Variants in VWA7 observed in about 807,000 individuals in gnomAD.
The protein encoded by VWA7 is von Willebrand factor A domain-containing protein 7.
Under a neutral mutation model 83.1 loss-of-function variants are expected in VWA7, and 66 were observed. The observed-to-expected ratio is 0.79, with a 90% CI of 0.65 to 0.98. VWA7 has a LOEUF of 0.98. Ranked by LOEUF, VWA7 falls within the 50% of genes least tolerant of loss-of-function variation. The probability of loss-of-function intolerance (pLI) is 0.00; values close to 1 mark genes in which losing one functional copy is unlikely to be tolerated. For synonymous variants in VWA7, 424 were observed against 488.5 expected (o/e 0.87, Z 1.74); for missense variants, 1,080 against 1,160.2 (o/e 0.93, Z 1.00).
chr6:31,765,658 G>T lies in VWA7; in HGVS notation c.2612C>A (p.Ala871Glu). The change falls in exon 17 of 17, where the codon GCG becomes GAG. Residue 871 changes from alanine to glutamate, a missense_variant. Physicochemically the swap from Ala to Glu is moderately radical, Grantham distance 107 (BLOSUM62 -1). Transcript: ENST00000375688. The part of the protein sequence containing the change: ...TQGRAGAGLA[A>E]GSPWWGTVGG... ...AACTGTGCCCCACCAGGGGCTGCCC[G>T]CAGCCAGCCCTGCCCCAGCCCTGCC... The T allele has an allele frequency of 6.2e-7, 1 of 1,606,958 alleles. No individual in the cohort carries two copies. Among genetic ancestry groups the T allele is most frequent in the Non-Finnish European group, 8.5e-7 (1 of 1,177,394 alleles).
Position 31,765,971 on chromosome 6 carries a change from A to AC in VWA7, c.2410dup (p.Val804GlyfsTer41). 6.2e-7 allele frequency: 1 copy of AC among 1,613,044 alleles called. No individual in the cohort carries two copies. The highest frequency in any genetic ancestry group is 8.5e-7 in the Non-Finnish European group (1 of 1,180,018). On this transcript the variant is annotated frameshift_variant, in exon 16 of 17. Transcript: ENST00000375688. LOFTEE classifies it high-confidence loss of function. Reference sequence around the variant, plus strand: ...TTCTCGTCCCCCTGCAGTCACAGTCACCATCACCACGGAATCCGGGGCCGC... The same window carrying AC: ...TTCTCGTCCCCCTGCAGTCACAGTCACCCATCACCACGGAATCCGGGGCCGC...
At position 31,776,630 on chromosome 6, in the gene VWA7, C is replaced by A; in HGVS notation, c.150G>T (p.Glu50Asp). The stretch of plus-strand genomic sequence containing the variant: ...GCAGGGTGACGTTGAGCGCTGCCTC[C>A]TCAGTTAGGTCTTGGTGGGTGATGG... ...PGSITHQDLT[E>D]EAALNVTLQL... Residue 50 changes from glutamate to aspartate, a missense_variant, in exon 2 of 17, where the codon GAG (glutamate) becomes GAT (aspartate). Coordinates refer to ENST00000375688, the MANE Select transcript of VWA7 (RefSeq NM_025258.3). This position sits in a 1 kb window ranked among gnomAD's most constrained non-coding sequence, Gnocchi z 6.2. The A allele has an allele frequency of 6.5e-7, 1 of 1,548,938 alleles. No homozygotes were observed. The highest frequency in any genetic ancestry group is 1.4e-5 in the African/African-American group (1 of 73,110).
rs375942272 is a variant in VWA7 at position 31,765,766 on chromosome 6, C to T, written c.2504G>A (p.Arg835Gln). 1.7e-4 allele frequency: 262 copies of T among 1,585,368 alleles called. 5 individuals are homozygous for T. Among genetic ancestry groups the T allele is most frequent in the South Asian group, 1.6e-3 (135 of 87,068 alleles). Residue 835 changes from arginine to glutamine, a missense_variant, in exon 17 of 17, where the codon CGG becomes CAG. By Grantham distance (43) the Arg-to-Gln change is conservative. Transcript: ENST00000375688. Reference sequence around the variant, plus strand: ...AGATGAGCCGGTAGGGGTGGTGTGCCGGTCCTGTGGGGAAAAGGAAGAGAA... The same window carrying T: ...AGATGAGCCGGTAGGGGTGGTGTGCTGGTCCTGTGGGGAAAAGGAAGAGAA... ...LLVSAPAPQD[R>Q]HTTPTGSSDP...
At position 31,766,011 on chromosome 6, in the gene VWA7, C is replaced by T. The variant is rs749663529; in HGVS notation, c.2371G>A (p.Glu791Lys). 3.7e-6 allele frequency: 6 copies of T among 1,612,796 alleles called. No homozygotes were observed. In the African/African-American group the frequency reaches 8.0e-5, roughly 22 times the overall value. The change falls in exon 16 of 17, where the codon GAG becomes AAG. Residue 791 changes from glutamate to lysine, a missense_variant. By Grantham distance (56) the Glu-to-Lys change is moderately conservative (BLOSUM62 1). Coordinates refer to ENST00000375688, the MANE Select transcript of VWA7 (RefSeq NM_025258.3). The surrounding 1 kb of genome is among the most constrained non-coding windows in gnomAD (Gnocchi z 4.9). The stretch of plus-strand genomic sequence containing the variant: ...TCCGGGGCCGCTGAATCTGGGACCT[C>T]CAGCCACAGGCGGCCCCAGGCCGAC... The part of the protein sequence containing the change: ...NESAWGRLWL[E>K]VPDSAAPDSV...
chr6:31,774,474 G>T, intron 5 of VWA7, 42 bp downstream of exon 5: 1 of 1,564,562 alleles, frequency 6.4e-7, no homozygotes, highest in South Asian at 1.1e-5. Flanking sequence ...GTAAGGGAAT[G>T]ACTTTCTCCC....
At position 31,776,698 on chromosome 6, in the gene VWA7, C is replaced by G; in HGVS notation, c.82G>C (p.Ala28Pro). The change falls in exon 2 of 17, where the codon GCC becomes CCC. Residue 28 changes from alanine (A) to proline (P), a missense_variant. Coordinates refer to ENST00000375688, the MANE Select transcript of VWA7 (RefSeq NM_025258.3). This position sits in a 1 kb window ranked among gnomAD's most constrained non-coding sequence, Gnocchi z 6.2. The part of the protein sequence containing the change: ...LLQLLLPPTS[A>P]FFPNIWSLLA... ...AGGCTCCAGATGTTGGGGAAGAAGG[C>G]AGATGTGGGGGGCAGCAACAGCTGC... The G allele has an allele frequency of 6.6e-7, 1 of 1,514,866 alleles. No individual in the cohort carries two copies. 93.8% of individuals were successfully genotyped at this position (1,514,866 alleles called of 1,614,324 possible). A position where few individuals can be genotyped will look rare whatever the true frequency, so the allele number is the denominator to read the frequency against.
At position 31,766,792 on chromosome 6, in the gene VWA7, A is replaced by G. The variant is rs1428725367; in HGVS notation, c.1883-28T>C. ...GGGACAGGGGCGAGGAGGGGAGAAC[A>G]TTGTGAGATTCGGAGACACAGGGAG... On this transcript the variant is annotated intron_variant, in intron 13 of 16. Coordinates refer to ENST00000375688, the MANE Select transcript of VWA7 (RefSeq NM_025258.3). The surrounding 1 kb of genome is among the most constrained non-coding windows in gnomAD (Gnocchi z 4.9). The G allele has an allele frequency of 6.4e-6, 10 of 1,573,782 alleles. No individual in the cohort carries two copies. Among genetic ancestry groups the G allele is most frequent in the Non-Finnish European group, 8.7e-6 (10 of 1,155,392 alleles).
chr6:31,772,584 CTTTTTTTT>C (rs9279415), intron 7 of VWA7, among the ~76,000 whole-genome samples: 11 of 35,074 alleles, frequency 3.1e-4, no homozygotes, highest in African/African-American at 8.1e-4. Flanking sequence ...TCTTTCTTTT[CTTTTTTTT>C]TTTTTTTTTT....
chr6:31,775,857 T>G lies in VWA7; in HGVS notation c.513+107A>C. On this transcript the variant is annotated intron_variant, in intron 3 of 16. Coordinates refer to ENST00000375688, the MANE Select transcript of VWA7 (RefSeq NM_025258.3). This position sits in a 1 kb window ranked among gnomAD's most constrained non-coding sequence, Gnocchi z 5.9. ...GCACCGCGTGCCAGTGCCCACCCCT[T>G]CCAGAGTGGAGGAGACATGATCAAG... 6.7e-7 allele frequency: 1 copy of G among 1,491,808 alleles called. No homozygotes were observed. The highest frequency in any genetic ancestry group is 8.9e-7 in the Non-Finnish European group (1 of 1,122,320). 92.4% of individuals were successfully genotyped at this position (1,491,808 alleles called of 1,614,324 possible).
In VWA7 at chr6:31,766,539, A is replaced by G. The variant is rs745410621; in HGVS notation, c.2108T>C (p.Ile703Thr). The G allele has an allele frequency of 6.2e-7, 1 of 1,612,476 alleles. No homozygotes were observed. The highest frequency in any genetic ancestry group is 8.5e-7 in the Non-Finnish European group (1 of 1,179,674). ...STPRPFSLEL[I>T]GQDAAGRRLH... ...GCGCCGCCCCGCTGCGTCCTGGCCA[A>G]TCAGCTCCAGGGAGAAGGGTCTAGG... The change falls in exon 14 of 17, where the codon ATT becomes ACT. Residue 703 changes from isoleucine to threonine, a missense_variant. Coordinates refer to ENST00000375688, the MANE Select transcript of VWA7 (RefSeq NM_025258.3). The surrounding 1 kb of genome is among the most constrained non-coding windows in gnomAD (Gnocchi z 4.9).
Position 31,773,536 on chromosome 6 carries a change from C to T in VWA7, c.722-99G>A. ...GGCCTGGCCTGACCCTCTCACCCCT[C>T]AGCAAGGGTTCAGCAAGAAATGATG... is the stretch of plus-strand genomic sequence containing the variant. On this transcript the variant is annotated intron_variant, in intron 5 of 16. Transcript: ENST00000375688. The surrounding 1 kb of genome is among the most constrained non-coding windows in gnomAD (Gnocchi z 5.3). 8.3e-7 allele frequency: 1 copy of T among 1,211,314 alleles called. No homozygotes were observed. The highest frequency in any genetic ancestry group is 1.5e-5 in the African/African-American group (1 of 65,036). The allele number at this position is 1,211,314 out of a possible 1,614,324, so 75.0% of individuals were successfully genotyped here. A position where few individuals can be genotyped will look rare whatever the true frequency, so the allele number is the denominator to read the frequency against.
chr6:31,769,914 G>C lies in VWA7; in HGVS notation c.1200+87C>G. On this transcript the variant is annotated intron_variant, in intron 8 of 16. Transcript: ENST00000375688. The surrounding 1 kb of genome is among the most constrained non-coding windows in gnomAD (Gnocchi z 4.5). The stretch of plus-strand genomic sequence containing the variant: ...CCTACAGTGAAGCTAGTGGATCTAG[G>C]TGCTGAAGGTGGTGGGGAGCCCCAG... The C allele has an allele frequency of 1.3e-6, 2 of 1,487,786 alleles. No individual in the cohort carries two copies. The highest frequency in any genetic ancestry group is 1.9e-6 in the Non-Finnish European group (2 of 1,069,398). 92.2% of individuals were successfully genotyped at this position (1,487,786 alleles called of 1,614,324 possible). A position where few individuals can be genotyped will look rare whatever the true frequency, so the allele number is the denominator to read the frequency against.
chr6:31,775,892 T>G lies in VWA7; in HGVS notation c.513+72A>C. The G allele has an allele frequency of 6.5e-7, 1 of 1,532,346 alleles. No homozygotes were observed. Among genetic ancestry groups the G allele is most frequent in the Non-Finnish European group, 8.8e-7 (1 of 1,141,274 alleles). The allele number at this position is 1,532,346 out of a possible 1,614,324, so 94.9% of individuals were successfully genotyped here. ...AGGAGACATGATCAAGAAGGCACCA[T>G]AGGACGCGCTCCATCCCGGACAGGC... On this transcript the variant is annotated intron_variant, in intron 3 of 16. Coordinates refer to ENST00000375688, the MANE Select transcript of VWA7 (RefSeq NM_025258.3). The surrounding 1 kb of genome is among the most constrained non-coding windows in gnomAD (Gnocchi z 5.9).
intron 5 of VWA7, among the ~76,000 whole-genome samples, chr6:31,774,246 C>T (rs1812478740): frequency 6.6e-6 from 1 of 151,600 alleles, no homozygotes; most frequent in Admixed American, 6.6e-5. Flanking sequence ...TCAGTCACCA[C>T]AGCACATGGT....
At position 31,769,787 on chromosome 6, in the gene VWA7, G is replaced by A; in HGVS notation, c.1205C>T (p.Ala402Val). The A allele has an allele frequency of 1.2e-6, 2 of 1,613,018 alleles. No individual in the cohort carries two copies. The highest frequency in any genetic ancestry group is 2.2e-5 in the South Asian group (2 of 91,092). The change falls in exon 9 of 17, where the codon GCC becomes GTC. Residue 402 changes from alanine to valine, a missense_variant. Ala to Val is a moderately conservative substitution (Grantham distance 64). Transcript: ENST00000375688. This position sits in a 1 kb window ranked among gnomAD's most constrained non-coding sequence, Gnocchi z 4.5. ...TGAGAGTGGAGGTGTGTGCAGCAGG[G>A]CCAGCTGGCAGGGAAGGCAACGACC... Reference protein sequence around the residue: ...PEMCLSALQLALLHTPPLSDI... With the variant: ...PEMCLSALQLVLLHTPPLSDI...
At position 31,766,753 on chromosome 6, in the gene VWA7, G is replaced by A; in HGVS notation, c.1894C>T (p.Gln632Ter). Residue 632 changes from glutamine (Q) to a stop codon, truncating the protein, a stop_gained, in exon 14 of 17, where the codon CAG (glutamine) becomes TAG (stop). Coordinates refer to ENST00000375688, the MANE Select transcript of VWA7 (RefSeq NM_025258.3). LOFTEE classifies it high-confidence loss of function. This position sits in a 1 kb window ranked among gnomAD's most constrained non-coding sequence, Gnocchi z 4.9. ...LTQPVAGLQT[Q>*]LLVEVTGLGS... Reference sequence around the variant, plus strand: ...AACCCTGTCACTTCTACCAGCAGCTGGGTCTGAAGACCTGGGACAGGGGCG... The same window carrying A: ...AACCCTGTCACTTCTACCAGCAGCTAGGTCTGAAGACCTGGGACAGGGGCG... The A allele has an allele frequency of 6.2e-7, 1 of 1,601,882 alleles. No homozygotes were observed. The highest frequency in any genetic ancestry group is 1.1e-5 in the South Asian group (1 of 90,630).
At position 31,776,443 on chromosome 6, in the gene VWA7, G is replaced by A. The variant is rs746867880; in HGVS notation, c.234+103C>T. The stretch of plus-strand genomic sequence containing the variant: ...TGGGTATTATTGCTGCAGGGGTGGG[G>A]CCATGGGTGTCTCTTCTCTTGGCAA... On this transcript the variant is annotated intron_variant, in intron 2 of 16. Coordinates refer to ENST00000375688, the MANE Select transcript of VWA7 (RefSeq NM_025258.3). This position sits in a 1 kb window ranked among gnomAD's most constrained non-coding sequence, Gnocchi z 6.2. 3 of 1,246,312 alleles carry A rather than the reference G, an allele frequency of 2.4e-6. No individual in the cohort carries two copies. Among genetic ancestry groups the A allele is most frequent in the East Asian group, 5.1e-5 (2 of 39,174 alleles). The allele number at this position is 1,246,312 out of a possible 1,614,324, so 77.2% of individuals were successfully genotyped here.
rs1197580850 is a variant in VWA7, at chr6:31,773,534, C to T, written c.722-97G>A. 4 of 1,227,824 alleles carry T rather than the reference C, an allele frequency of 3.3e-6. No individual in the cohort carries two copies. The highest frequency in any genetic ancestry group is 4.4e-6 in the Non-Finnish European group (4 of 903,398). The allele number at this position is 1,227,824 out of a possible 1,614,324, so 76.1% of individuals were successfully genotyped here. ...CAGGCCTGGCCTGACCCTCTCACCC[C>T]TCAGCAAGGGTTCAGCAAGAAATGA... On this transcript the variant is annotated intron_variant, in intron 5 of 16. Coordinates refer to ENST00000375688, the MANE Select transcript of VWA7 (RefSeq NM_025258.3). The surrounding 1 kb of genome is among the most constrained non-coding windows in gnomAD (Gnocchi z 5.3).
In VWA7 at chr6:31,769,232, G is replaced by A. The variant is rs752576969; in HGVS notation, c.1318-29C>T. The A allele has an allele frequency of 2.5e-6, 4 of 1,600,094 alleles. No homozygotes were observed. In the African/African-American group the frequency reaches 5.4e-5, roughly 21 times the overall value. ...TACCCAGAAGAGAGCTCAGTGATTG[G>A]GGTGTCCAAGTGCCATCCACTATTA... is the stretch of plus-strand genomic sequence containing the variant. On this transcript the variant is annotated intron_variant, in intron 9 of 16. Coordinates refer to ENST00000375688, the MANE Select transcript of VWA7 (RefSeq NM_025258.3). The surrounding 1 kb of genome is among the most constrained non-coding windows in gnomAD (Gnocchi z 4.5).
Sources: allele counts gnomAD v4.1 joint callset (sites outside exome capture counted in the v4.1 genomes callset), GRCh38; gene constraint gnomAD v4.1.1; non-coding constraint Gnocchi (gnomAD v3.1); transcripts MANE v1.5; gene names NCBI Gene and HGNC (gene_info 2026-07-23, HGNC 2026-07-21).